The following CIMAP1C variants were observed in gnomAD, a reference collection of about 807,000 sequenced individuals.
The protein encoded by CIMAP1C is outer dense fiber of sperm tails 3 like 1.
At chr15:75,724,201 T>C in the CIMAP1C span, 4 of 1,612,154 alleles carry the variant, frequency 2.5e-6, no homozygotes, top group South Asian at 4.4e-5. Flanking sequence ...GCCCCAGCCA[T>C]GAAACTGCCC....
chr15:75,724,056 C>T, the CIMAP1C span: 1 of 623,588 alleles, frequency 1.6e-6, no homozygotes, highest in Admixed American at 2.6e-5. Flanking sequence ...GCCTTAGCTG[C>T]TCAAGCTGGA....
At chr15:75,726,144 C>T in the CIMAP1C span, 1 of 1,613,428 alleles carries the variant, frequency 6.2e-7, no homozygotes, top group East Asian at 2.2e-5. Flanking sequence ...CCCGCAGGTC[C>T]CCATGGAGGA....
chr15:75,726,193 A>G, the CIMAP1C span: 1 of 607,248 alleles, frequency 1.6e-6, no homozygotes, highest in Non-Finnish European at 3.1e-6. Flanking sequence ...TTATGGACAG[A>G]TGTTGGGGGT....
the CIMAP1C span, among the ~76,000 whole-genome samples, chr15:75,726,819 T>A: frequency 6.6e-6 from 1 of 152,128 alleles, no homozygotes; most frequent in Non-Finnish European, 1.5e-5. Context: ...TTTCACCATG[T>A]TGGTCAGGCT....
chr15:75,727,634 C>T, the CIMAP1C span: 7,744 of 1,251,466 alleles, frequency 6.2e-3, 37 homozygotes, highest in Middle Eastern at 0.013. Flanking sequence ...GTAGCAGAGC[C>T]GGTACCTGCT....
At chr15:75,725,909 C>T in the CIMAP1C span, 1 of 607,802 alleles carries the variant, frequency 1.6e-6, no homozygotes, top group Non-Finnish European at 3.0e-6. Context: ...GTTAAAAGTC[C>T]CATTTTACAG....
At chr15:75,727,653 G>A in the CIMAP1C span, 9 of 1,063,514 alleles carry the variant, frequency 8.5e-6, no homozygotes, top group Middle Eastern at 4.1e-4. Flanking sequence ...CTGAGTGTCC[G>A]GCACACAGAA....
chr15:75,724,111 T>TG, the CIMAP1C span: 50 of 806,622 alleles, frequency 6.2e-5, no homozygotes, highest in Middle Eastern at 2.3e-4. Flanking sequence ...GGGTGGGGGA[T>TG]GGGGGGGTCT....
chr15:75,727,050 C>T, the CIMAP1C span: 3 of 1,608,168 alleles, frequency 1.9e-6, no homozygotes, highest in Non-Finnish European at 1.7e-6. Flanking sequence ...TCCCGCCACT[C>T]CCTTTCAGGC....
chr15:75,727,459 C>G, the CIMAP1C span: 1 of 1,613,780 alleles, frequency 6.2e-7, no homozygotes, highest in Non-Finnish European at 8.5e-7. Context: ...TCACTGTGCA[C>G]AAGCCCCACA....
chr15:75,724,746 T>A, the CIMAP1C span, among the ~76,000 whole-genome samples: 7 of 152,226 alleles, frequency 4.6e-5, no homozygotes, highest in African/African-American at 1.4e-4. Context: ...GGGTAGATAT[T>A]TCTAAGCCTC....
the CIMAP1C span, chr15:75,724,219 C>T: frequency 1.2e-6 from 2 of 1,613,858 alleles, no homozygotes; most frequent in Non-Finnish European, 8.5e-7. Context: ...CCCAAGGGGA[C>T]CAGGAGCTCT....
At chr15:75,727,271 G>A in the CIMAP1C span, 4 of 1,614,176 alleles carry the variant, frequency 2.5e-6, no homozygotes, top group Non-Finnish European at 3.4e-6. Flanking sequence ...GGCCTCCAGG[G>A]ACAAGAACTG....
the CIMAP1C span, chr15:75,726,215 G>A: frequency 3.2e-6 from 4 of 1,235,864 alleles, no homozygotes; most frequent in East Asian, 2.5e-5. Flanking sequence ...GGGAGGTTGG[G>A]GGGTGGGGTG....
chr15:75,724,400 C>G, the CIMAP1C span: 1 of 930,386 alleles, frequency 1.1e-6, no homozygotes, highest in South Asian at 1.4e-5. Context: ...AAAGCCCCTT[C>G]CAACTTCCTT....
chr15:75,725,662 G>A, the CIMAP1C span, among the ~76,000 whole-genome samples: 6 of 152,254 alleles, frequency 3.9e-5, no homozygotes, highest in South Asian at 4.1e-4. Context: ...GTGTGGTGGC[G>A]TGCACCCGGG....
the CIMAP1C span, chr15:75,724,160 C>T: frequency 1.4e-6 from 2 of 1,399,808 alleles, no homozygotes; most frequent in Non-Finnish European, 2.0e-6. Flanking sequence ...GCTGTTTAGA[C>T]CCTGCTGTAG....
chr15:75,725,897 G>C, the CIMAP1C span, among the ~76,000 whole-genome samples: 154 of 152,354 alleles, frequency 1.0e-3, 1 homozygote, highest in Middle Eastern at 0.027. Context: ...ACCAGGTCAT[G>C]TGTTAAAAGT....
chr15:75,726,026 C>T, the CIMAP1C span: 2 of 1,492,384 alleles, frequency 1.3e-6, no homozygotes, highest in East Asian at 4.6e-5. Flanking sequence ...GCCTTTGGGG[C>T]TGACCAGGCC....
Sources: gnomAD v4.1 joint callset for allele counts (sites outside exome capture counted in the v4.1 genomes callset) on GRCh38, gnomAD v4.1.1 for gene constraint, MANE v1.5 for transcripts, NCBI Gene and HGNC (gene_info 2026-07-23, HGNC 2026-07-21) for gene names.